The following NARS1 variants were observed in gnomAD, a reference collection of about 807,000 sequenced individuals.
NARS1 encodes asparaginyl-tRNA synthetase 1.
NARS1 carries 65 observed loss-of-function variants against 79.2 expected under a neutral mutation model. The observed-to-expected ratio is 0.82, with a 90% CI of 0.67 to 1.01. NARS1 has a LOEUF of 1.01. Among genes scored for constraint, NARS1 ranks in the 50% least tolerant of loss-of-function variants. The pLI is 0.00. For missense variants in NARS1, 649 were observed against 673.8 expected (o/e 0.96, Z 0.41); for synonymous variants, 229 against 238.8 (o/e 0.96, Z 0.38).
chr18:57,621,498 A>C lies in NARS1; in HGVS notation c.10+210T>G, dbSNP rs1908301291. Among the ~76,000 whole-genome samples, 6 of 152,054 alleles carry C rather than the reference A, an allele frequency of 3.9e-5. No homozygotes were observed. In the South Asian group the frequency reaches 1.2e-3, roughly 32 times the overall value. ...AGCCACCGCCATCGCAGCCCGGGGGAACGACGGACTCGGGGAAGCCCGGCC... is the reference window on the plus strand; with the variant it reads ...AGCCACCGCCATCGCAGCCCGGGGGCACGACGGACTCGGGGAAGCCCGGCC... On this transcript the variant is annotated intron_variant, in intron 1 of 13. Coordinates refer to ENST00000256854, the MANE Select transcript of NARS1 (RefSeq NM_004539.4).
intron 7 of NARS1, among the ~76,000 whole-genome samples, chr18:57,609,078 G>C (rs950137393): frequency 6.6e-6 from 1 of 152,216 alleles, no homozygotes; most frequent in Non-Finnish European, 1.5e-5. Context: ...ACTGAAGGCT[G>C]CCCTGTCGGC....
Position 57,605,134 on chromosome 18 carries a change from AAT to A in NARS1, c.1251+721_1251+722del, listed in dbSNP as rs1555683460. On this transcript the variant is annotated intron_variant, in intron 11 of 13. Coordinates refer to ENST00000256854, the MANE Select transcript of NARS1 (RefSeq NM_004539.4). The stretch of plus-strand genomic sequence containing the variant: ...ATACATTCTCCAGAAAAAAAAAAAA[AAT>A]ATATATATATATATATATCTATATA... Among the ~76,000 whole-genome samples, 45 of 135,194 alleles carry A rather than the reference AAT, an allele frequency of 3.3e-4. 1 individual carries two copies. The highest frequency in any genetic ancestry group is 8.2e-4 in the East Asian group (4 of 4,872). The allele number at this position is 135,194 out of a possible 152,430, so 88.7% of individuals were successfully genotyped here. A position where few individuals can be genotyped will look rare whatever the true frequency, so the allele number is the denominator to read the frequency against.
Position 57,613,589 on chromosome 18 carries a change from C to T in NARS1, c.421+13G>A. ...TTTAAACATTAAAAAGAAGGAAAAG[C>T]TTTGCCATTTACCTTGCCTGCGCAG... On this transcript the variant is annotated intron_variant, in intron 5 of 13. Coordinates refer to ENST00000256854, the MANE Select transcript of NARS1 (RefSeq NM_004539.4). 1 of 1,604,472 alleles carries T rather than the reference C, an allele frequency of 6.2e-7. No homozygotes were observed. Among genetic ancestry groups the T allele is most frequent in the South Asian group, 1.1e-5 (1 of 90,172 alleles).
chr18:57,606,774 A>C, intron 9 of NARS1, 23 bp from the exon 10 acceptor site: 1 of 1,613,776 alleles, frequency 6.2e-7, no homozygotes, highest in Non-Finnish European at 8.5e-7. Flanking sequence ...ACAATAGCTC[A>C]GCACTGCTTT....
chr18:57,606,359 T>G (rs200111724), intron 10 of NARS1, among the ~76,000 whole-genome samples: 1 of 8,432 alleles, frequency 1.2e-4, no homozygotes, highest in African/African-American at 3.5e-4. Flanking sequence ...AAAAAATATA[T>G]ATATATATAT....
intron 11 of NARS1, among the ~76,000 whole-genome samples, chr18:57,605,538 CGGA>C (rs1472026208): frequency 1.4e-5 from 2 of 142,172 alleles, no homozygotes; most frequent in African/African-American, 5.3e-5. Flanking sequence ...ATCCAGGAGG[CGGA>C]GGTTGCAGTG....
At chr18:57,621,191 G>A (rs1192996566) in intron 1 of NARS1, among the ~76,000 whole-genome samples, 1 of 151,038 alleles carries the variant, frequency 6.6e-6, no homozygotes, top group Non-Finnish European at 1.5e-5. Context: ...TCTGAGGTTA[G>A]AAAATTTCAG....
chr18:57,608,701 T>C (rs1599034754), intron 7 of NARS1, among the ~76,000 whole-genome samples: 1 of 152,338 alleles, frequency 6.6e-6, no homozygotes, highest in East Asian at 1.9e-4. Flanking sequence ...GACATGTACT[T>C]CACATTTATT....
At chr18:57,619,699 C>A (rs76442190) in intron 2 of NARS1, among the ~76,000 whole-genome samples, 1 of 151,990 alleles carries the variant, frequency 6.6e-6, no homozygotes, top group Non-Finnish European at 1.5e-5. Context: ...GAGTCCAAGC[C>A]CTTTTTTTGT....
At chr18:57,605,632 A>C (rs1194419960) in intron 11 of NARS1, among the ~76,000 whole-genome samples, 6 of 151,750 alleles carry the variant, frequency 4.0e-5, no homozygotes, top group African/African-American at 1.5e-4. Flanking sequence ...AAAAAAAGAA[A>C]AAAAAAGAAA....
At position 57,615,991 on chromosome 18, in the gene NARS1, G is replaced by A; in HGVS notation, c.94-16C>T. 6.3e-7 allele frequency: 1 copy of A among 1,578,012 alleles called. No individual in the cohort carries two copies. The highest frequency in any genetic ancestry group is 8.6e-7 in the Non-Finnish European group (1 of 1,165,796). Reference sequence around the variant, plus strand: ...TCATCAAAGCCTTGGGTAGGGAGGAGAGAAAAGACAGTTCTTGAACATTGT... The same window carrying A: ...TCATCAAAGCCTTGGGTAGGGAGGAAAGAAAAGACAGTTCTTGAACATTGT... On this transcript the variant is annotated splice_polypyrimidine_tract_variant and intron_variant, in intron 2 of 13. Coordinates refer to ENST00000256854, the MANE Select transcript of NARS1 (RefSeq NM_004539.4).
intron 11 of NARS1, among the ~76,000 whole-genome samples, chr18:57,605,134 A>AATATATAT (rs1555683460): frequency 8.1e-5 from 11 of 135,234 alleles, no homozygotes; most frequent in African/African-American, 2.9e-4. Flanking sequence ...AAAAAAAAAA[A>AATATATAT]ATATATATAT....
chr18:57,621,519 C>T (rs1310629800), intron 1 of NARS1, among the ~76,000 whole-genome samples, 189 bp downstream of exon 1: 1 of 152,192 alleles, frequency 6.6e-6, no homozygotes, highest in Non-Finnish European at 1.5e-5. Context: ...CGGGGAAGCC[C>T]GGCCTGGCCC....
At chr18:57,611,546 TAATAAATGTTTTA>T (rs2051604765) in intron 6 of NARS1, 78 bp downstream of exon 6, 1 of 839,062 alleles carries the variant, frequency 1.2e-6, no homozygotes, top group Non-Finnish European at 1.8e-6. Context: ...ACTGTCGACA[TAATAAATGTTTTA>T]AATAAATGTA....
chr18:57,602,545 G>A (rs2276193), intron 12 of NARS1, 59 bp from the exon 13 acceptor site: 310,560 of 1,569,436 alleles, frequency 0.2, 33,136 homozygotes, highest in Admixed American at 0.37. Context: ...ACACAGCACT[G>A]CCCTAGAGTT....
In NARS1 at chr18:57,620,619, C is replaced by G. The variant is rs1195878356; in HGVS notation, c.43G>C (p.Asp15His). The change falls in exon 2 of 14, where the codon GAT (aspartate) becomes CAT (histidine). Residue 15 changes from aspartate to histidine, a missense_variant. Physicochemically the swap from Asp to His is moderately conservative, Grantham distance 81. Transcript: ENST00000256854. ...ELYVSDREGS[D>H]ATGDGTKEKP... ...TCCTTGGTTCCATCTCCCGTGGCAT[C>G]GCTTCCCTCTCGGTCAGAGACGTAC... The G allele has an allele frequency of 6.2e-7, 1 of 1,613,788 alleles. No individual in the cohort carries two copies. Among genetic ancestry groups the G allele is most frequent in the Non-Finnish European group, 8.5e-7 (1 of 1,179,840 alleles).
intron 5 of NARS1, among the ~76,000 whole-genome samples, chr18:57,613,189 C>T (rs140451572): frequency 1.9e-4 from 29 of 149,796 alleles, no homozygotes; most frequent in Middle Eastern, 3.4e-3. Context: ...CAAGTCTAGC[C>T]AGCATACCAA....
intron 5 of NARS1, among the ~76,000 whole-genome samples, chr18:57,613,267 T>C (rs758327562): frequency 4.6e-5 from 7 of 151,046 alleles, no homozygotes; most frequent in Non-Finnish European, 8.8e-5. Flanking sequence ...GCCAAGACAG[T>C]GGATCACCTG....
intron 6 of NARS1, among the ~76,000 whole-genome samples, chr18:57,610,856 T>C (rs76672399): frequency 0.018 from 2,778 of 151,912 alleles, 79 homozygotes; most frequent in African/African-American, 0.055. Context: ...TTCAAATCAA[T>C]CAACTATAAA....
Sources: allele counts gnomAD v4.1 joint callset (sites outside exome capture counted in the v4.1 genomes callset), GRCh38; gene constraint gnomAD v4.1.1; transcripts MANE v1.5; gene names NCBI Gene and HGNC (gene_info 2026-07-23, HGNC 2026-07-21).